The following CLDN16 variants were observed in gnomAD, a reference collection of about 807,000 sequenced individuals.
CLDN16 encodes the protein claudin 16.
In CLDN16, 13 loss-of-function variants were observed where a neutral mutation model predicts 24.6. That is an observed-to-expected ratio of 0.53 (90% CI 0.34 to 0.84). The LOEUF is 0.84. Among genes scored for constraint, CLDN16 ranks in the 40% least tolerant of loss-of-function variants. The probability of loss-of-function intolerance (pLI) is 0.01; values close to 1 mark genes in which losing one functional copy is unlikely to be tolerated. For missense variants in CLDN16, 298 were observed against 292.7 expected, an observed-to-expected ratio of 1.02 and a Z score of -0.13; for synonymous variants, 116 against 106.7, an observed-to-expected ratio of 1.09 and a Z score of -0.54.
chr3:190,291,709 A>AAATAAT, the CLDN16 span, among the ~76,000 whole-genome samples: 150 of 151,926 alleles, frequency 9.9e-4, no homozygotes, highest in Admixed American at 1.8e-3. Flanking sequence ...GGAGCCTGTA[A>AAATAAT]AATAATAATA....
At chr3:190,290,732 C>A in the CLDN16 span, among the ~76,000 whole-genome samples, 1 of 152,024 alleles carries the variant, frequency 6.6e-6, no homozygotes, top group South Asian at 2.1e-4. Flanking sequence ...TATTACAATT[C>A]TAATTTATTA....
upstream of CLDN16, among the ~76,000 whole-genome samples, chr3:190,383,826 A>G (rs1306931698): frequency 6.6e-6 from 1 of 152,240 alleles, no homozygotes; most frequent in Admixed American, 6.5e-5. Flanking sequence ...ACAAACATAC[A>G]TACATATGTA....
chr3:190,361,638 T>C (rs990235089), intron 1 of CLDN16, among the ~76,000 whole-genome samples: 7 of 152,032 alleles, frequency 4.6e-5, no homozygotes, highest in African/African-American at 1.4e-4. Flanking sequence ...AAGAGGTAGA[T>C]AGAAATTATT....
intron 1 of CLDN16, among the ~76,000 whole-genome samples, chr3:190,393,186 G>T (rs1004215781): frequency 2.0e-5 from 3 of 152,166 alleles, no homozygotes; most frequent in Admixed American, 6.5e-5. Context: ...AATTGGAGGG[G>T]TGGTGATGTT....
In CLDN16 at chr3:190,397,042, G is replaced by A. The variant is rs549007743; in HGVS notation, c.115-5295G>A. 1.9e-3 allele frequency among the ~76,000 whole-genome samples: 292 copies of A among 152,272 alleles called. 1 individual carries two copies. The highest frequency in any genetic ancestry group is 6.9e-3 in the African/African-American group (288 of 41,548). ...AGCCACTCCTTTCTTGCCAGTTGTTGCTTTGTGAGACTGGTGAGTTCAGGT... is the reference window on the plus strand; with the variant it reads ...AGCCACTCCTTTCTTGCCAGTTGTTACTTTGTGAGACTGGTGAGTTCAGGT... On this transcript the variant is annotated intron_variant, in intron 1 of 4. Coordinates refer to ENST00000264734, the MANE Select transcript of CLDN16 (RefSeq NM_006580.4).
At chr3:190,338,454 C>T (rs959614734) in intron 1 of CLDN16, among the ~76,000 whole-genome samples, 1 of 151,958 alleles carries the variant, frequency 6.6e-6, no homozygotes, top group Non-Finnish European at 1.5e-5. Flanking sequence ...CCTACGTGAA[C>T]TGCAGGTTAT....
At chr3:190,392,492 T>C (rs1718705866) in intron 1 of CLDN16, among the ~76,000 whole-genome samples, 1 of 152,188 alleles carries the variant, frequency 6.6e-6, no homozygotes, top group Non-Finnish European at 1.5e-5. Flanking sequence ...GGATGAGACC[T>C]GGAGCCTCCC....
intron 1 of CLDN16, among the ~76,000 whole-genome samples, chr3:190,352,109 T>C (rs1290278770): frequency 6.6e-6 from 1 of 151,994 alleles, no homozygotes. Flanking sequence ...TTCTAAATAT[T>C]ATTTGTCTGA....
chr3:190,398,328 G>A (rs1415503916), intron 1 of CLDN16, among the ~76,000 whole-genome samples: 4 of 152,200 alleles, frequency 2.6e-5, no homozygotes, highest in African/African-American at 9.6e-5. Flanking sequence ...AGGCTGCGCT[G>A]CCCCTGAAAG....
At chr3:190,309,585 G>A in the CLDN16 span, among the ~76,000 whole-genome samples, 519 of 152,278 alleles carry the variant, frequency 3.4e-3, 1 homozygote, top group African/African-American at 0.012. Flanking sequence ...CGAGAGCTAA[G>A]AATCAGCTCA....
At chr3:190,340,551 A>C (rs1019643635) in intron 1 of CLDN16, among the ~76,000 whole-genome samples, 3 of 152,164 alleles carry the variant, frequency 2.0e-5, no homozygotes, top group African/African-American at 7.2e-5. Flanking sequence ...TACCAGGTCC[A>C]TCCCACAACA....
intron 1 of CLDN16, among the ~76,000 whole-genome samples, chr3:190,357,850 G>A (rs1303699782): frequency 1.3e-5 from 2 of 151,882 alleles, no homozygotes; most frequent in Non-Finnish European, 2.9e-5. Flanking sequence ...TAATCCCCAA[G>A]CACTTCAGAC....
chr3:190,380,701 C>T (rs555916846), intron 3 of CLDN16, among the ~76,000 whole-genome samples: 11 of 152,096 alleles, frequency 7.2e-5, no homozygotes, highest in Non-Finnish European at 1.3e-4. Context: ...TGCTTGAACC[C>T]AGGAGGCAGA....
chr3:190,379,436 C>T (rs1035428956), intron 3 of CLDN16, among the ~76,000 whole-genome samples: 1 of 152,096 alleles, frequency 6.6e-6, no homozygotes, highest in African/African-American at 2.4e-5. Flanking sequence ...ATCTTGTTCA[C>T]TGATGAATTT....
upstream of CLDN16, among the ~76,000 whole-genome samples, chr3:190,386,352 CG>C (rs1317733997): frequency 6.6e-6 from 1 of 152,048 alleles, no homozygotes; most frequent in South Asian, 2.1e-4. Flanking sequence ...TTATAACGAT[CG>C]CTAATGTGTA....
At chr3:190,396,281 C>T (rs1463540009) in intron 1 of CLDN16, among the ~76,000 whole-genome samples, 1 of 152,124 alleles carries the variant, frequency 6.6e-6, no homozygotes, top group African/African-American at 2.4e-5. Context: ...TTTCCAGAGC[C>T]AGTTGAGTAA....
chr3:190,291,735 T>A, the CLDN16 span, among the ~76,000 whole-genome samples: 1 of 151,992 alleles, frequency 6.6e-6, no homozygotes, highest in African/African-American at 2.4e-5. Flanking sequence ...AATAATAAAG[T>A]TAGTTCCTTC....
intron 4 of CLDN16, among the ~76,000 whole-genome samples, chr3:190,409,211 T>TGCACACACGTATATGCATGTATATAC (rs1719198867): frequency 6.6e-6 from 1 of 151,218 alleles, no homozygotes; most frequent in Non-Finnish European, 1.5e-5. Flanking sequence ...CATGTATATA[T>TGCACACACGTATATGCATGTATATAC]GCACACACGT....
chr3:190,408,575 T>C, intron 4 of CLDN16, 70 bp downstream of exon 4: 1 of 1,402,128 alleles, frequency 7.1e-7, no homozygotes, highest in Non-Finnish European at 1.0e-6. Flanking sequence ...TGGAAACAAA[T>C]TTCAAAAGGA....
Sources: gnomAD v4.1 joint callset for allele counts (sites outside exome capture counted in the v4.1 genomes callset) on GRCh38, gnomAD v4.1.1 for gene constraint, MANE v1.5 for transcripts, NCBI Gene and HGNC (gene_info 2026-07-23, HGNC 2026-07-21) for gene names.